The following WDFY2 variants were observed in gnomAD, a reference collection of about 807,000 sequenced individuals.
WDFY2 encodes WD repeat and FYVE domain-containing protein 2.
Under a neutral mutation model 56.4 loss-of-function variants are expected in WDFY2, and 36 were observed. That is an observed-to-expected ratio of 0.64 (90% confidence interval 0.49 to 0.84). WDFY2 has a LOEUF of 0.84. WDFY2 is among the 40% of genes least tolerant of loss of function. The probability of loss-of-function intolerance (pLI) is 0.00; values close to 1 mark genes in which losing one functional copy is unlikely to be tolerated. For missense variants in WDFY2, 444 were observed against 512.2 expected (o/e 0.87, Z 1.29); for synonymous variants, 176 against 183.7 (o/e 0.96, Z 0.34).
chr13:51,661,963 G>A (rs905489410), intron 2 of WDFY2, among the ~76,000 whole-genome samples: 1 of 151,514 alleles, frequency 6.6e-6, no homozygotes, highest in African/African-American at 2.4e-5. Context: ...CTGTTTTTTT[G>A]TTTATTTGTT....
intron 1 of WDFY2, among the ~76,000 whole-genome samples, chr13:51,628,310 C>A (rs1954877807): frequency 6.6e-6 from 1 of 152,256 alleles, no homozygotes; most frequent in South Asian, 2.1e-4. Context: ...GCCCCATGTG[C>A]ATGCACACCC....
chr13:51,630,466 CT>C (rs1166268063), intron 1 of WDFY2, among the ~76,000 whole-genome samples: 313 of 141,014 alleles, frequency 2.2e-3, no homozygotes, highest in African/African-American at 2.9e-3. Context: ...CCCTTTCTTT[CT>C]TTTTTTTTTT....
chr13:51,730,585 G>C (rs1352736243), intron 6 of WDFY2, among the ~76,000 whole-genome samples: 1 of 152,202 alleles, frequency 6.6e-6, no homozygotes, highest in Admixed American at 6.5e-5. Flanking sequence ...CACAGTTCTA[G>C]TGCATCGTGG....
At chr13:51,656,761 C>T (rs144971368) in intron 1 of WDFY2, among the ~76,000 whole-genome samples, 1 of 151,896 alleles carries the variant, frequency 6.6e-6, no homozygotes, top group Non-Finnish European at 1.5e-5. Flanking sequence ...TAAGTTTTGA[C>T]TCAAAACCTA....
intron 4 of WDFY2, among the ~76,000 whole-genome samples, chr13:51,705,242 A>G (rs548205154): frequency 6.6e-6 from 1 of 152,180 alleles, no homozygotes; most frequent in African/African-American, 2.4e-5. Flanking sequence ...CTCCCCATCA[A>G]GGTTTCAGAT....
At chr13:51,746,916 A>G (rs1032944553) in intron 7 of WDFY2, among the ~76,000 whole-genome samples, 1 of 152,252 alleles carries the variant, frequency 6.6e-6, no homozygotes, top group Admixed American at 6.5e-5. Context: ...AGCAGTTCAC[A>G]TTCAAGAAGC....
intron 1 of WDFY2, among the ~76,000 whole-genome samples, chr13:51,615,807 G>GC (rs1271156710): frequency 1.3e-5 from 2 of 152,118 alleles, no homozygotes; most frequent in Admixed American, 1.3e-4. Context: ...AAGGAATCAA[G>GC]GTAAGAGATT....
chr13:51,707,032 A>G (rs1483443842), intron 4 of WDFY2, among the ~76,000 whole-genome samples: 2 of 152,258 alleles, frequency 1.3e-5, no homozygotes, highest in Admixed American at 6.5e-5. Context: ...AGAGAACCAA[A>G]TAGAACTTTT....
chr13:51,610,253 TTG>T (rs1954472142), intron 1 of WDFY2, among the ~76,000 whole-genome samples: 4 of 151,516 alleles, frequency 2.6e-5, no homozygotes, highest in Non-Finnish European at 2.9e-5. Flanking sequence ...TTTTTTTTTT[TTG>T]GGGGGCTAAA....
In WDFY2 at chr13:51,729,361, C is replaced by T. The variant is rs1952672892; in HGVS notation, c.598+1571C>T. On this transcript the variant is annotated intron_variant, in intron 6 of 11. Coordinates refer to ENST00000298125, the MANE Select transcript of WDFY2 (RefSeq NM_052950.4). ...TTCACCATCCTTCCCAAGCCCCCATCGCCATCTCATTCCTTGCCTCTTCCT... is the reference window on the plus strand; with the variant it reads ...TTCACCATCCTTCCCAAGCCCCCATTGCCATCTCATTCCTTGCCTCTTCCT... Among the ~76,000 whole-genome samples, 8 of 151,776 alleles carry T rather than the reference C, an allele frequency of 5.3e-5. No individual in the cohort carries two copies. The South Asian group carries it at 1.5e-3, about 28-fold the overall frequency.
intron 1 of WDFY2, among the ~76,000 whole-genome samples, chr13:51,608,704 A>G (rs1169675899): frequency 2.0e-5 from 3 of 152,026 alleles, no homozygotes; most frequent in Admixed American, 6.6e-5. Flanking sequence ...AAAAGAAACA[A>G]TCACATTTTA....
intron 1 of WDFY2, among the ~76,000 whole-genome samples, chr13:51,658,221 C>T (rs1158001313): frequency 6.6e-6 from 1 of 152,134 alleles, no homozygotes; most frequent in Non-Finnish European, 1.5e-5. Context: ...TGTATGTGAT[C>T]ACTGAGGTCT....
intron 3 of WDFY2, among the ~76,000 whole-genome samples, chr13:51,691,790 T>C (rs1333272521): frequency 6.6e-6 from 1 of 152,048 alleles, no homozygotes; most frequent in East Asian, 1.9e-4. Flanking sequence ...CCTTGGGCAG[T>C]GTGGCCATTA....
Position 51,629,985 on chromosome 13 carries a change from T to G in WDFY2, c.138-30611T>G, listed in dbSNP as rs115977285. On this transcript the variant is annotated intron_variant, in intron 1 of 11. Coordinates refer to ENST00000298125, the MANE Select transcript of WDFY2 (RefSeq NM_052950.4). ...ATTAATATGTTTCCTAACTACTTCT[T>G]CTTTGATCTTAGTATAGTTAAAATC... Among the ~76,000 whole-genome samples the G allele has an allele frequency of 5.0e-3, 758 of 152,262 alleles. 5 individuals are homozygous for G. Among genetic ancestry groups the G allele is most frequent in the African/African-American group, 0.014 (596 of 41,552 alleles).
At chr13:51,724,705 A>G (rs986502330) in intron 5 of WDFY2, among the ~76,000 whole-genome samples, 1 of 152,200 alleles carries the variant, frequency 6.6e-6, no homozygotes, top group Non-Finnish European at 1.5e-5. Context: ...CAGTGAACCT[A>G]CATTGGCACG....
chr13:51,585,796 A>G (rs968447893), intron 1 of WDFY2, among the ~76,000 whole-genome samples: 1 of 152,228 alleles, frequency 6.6e-6, no homozygotes, highest in African/African-American at 2.4e-5. Context: ...ATGCAGAGGT[A>G]AAGTATCCTT....
chr13:51,623,868 CT>C (rs748513300), intron 1 of WDFY2, among the ~76,000 whole-genome samples: 2 of 151,142 alleles, frequency 1.3e-5, no homozygotes, highest in Non-Finnish European at 2.9e-5. Flanking sequence ...GGAATAGGCA[CT>C]TTTTTTAACC....
At chr13:51,663,149 GA>G (rs1159004210) in intron 2 of WDFY2, among the ~76,000 whole-genome samples, 1 of 151,594 alleles carries the variant, frequency 6.6e-6, no homozygotes, top group Non-Finnish European at 1.5e-5. Flanking sequence ...TGTCTCCAAA[GA>G]AAAAAAATGA....
chr13:51,659,000 C>T (rs1246502354), intron 1 of WDFY2, among the ~76,000 whole-genome samples: 1 of 152,234 alleles, frequency 6.6e-6, no homozygotes, highest in South Asian at 2.1e-4. Context: ...CATCTTGGCT[C>T]AATGCAACCT....
Sources: gnomAD v4.1 joint callset for allele counts (sites outside exome capture counted in the v4.1 genomes callset) on GRCh38, gnomAD v4.1.1 for gene constraint, MANE v1.5 for transcripts, NCBI Gene and HGNC (gene_info 2026-07-23, HGNC 2026-07-21) for gene names.